Variants in CD200 observed in about 807,000 individuals in gnomAD.
CD200 encodes the protein CD200 molecule, also known as OX-2 membrane glycoprotein.
In CD200, 15 loss-of-function variants were observed where a neutral mutation model predicts 30.9. The ratio of observed to expected loss-of-function variants is 0.49; its 90% CI spans 0.32 to 0.75. The LOEUF is 0.75. CD200 is among the 30% of genes least tolerant of loss of function. The probability of loss-of-function intolerance (pLI) is 0.03; values close to 1 mark genes in which losing one functional copy is unlikely to be tolerated. For synonymous variants in CD200, 134 were observed against 126.2 expected (o/e 1.06, Z -0.41); for missense variants, 262 against 324.2 (o/e 0.81, Z 1.47).
In CD200 at chr3:112,333,462, T is replaced by C. The variant is rs1043149059; in HGVS notation, c.12+238T>C. The C allele has an allele frequency of 7.1e-6, 7 of 985,210 alleles. No homozygotes were observed. The African/African-American group carries it at 1.2e-4, about 17-fold the overall frequency. 61.0% of individuals were successfully genotyped at this position (985,210 alleles called of 1,614,324 possible). On this transcript the variant is annotated intron_variant, in intron 1 of 5. Transcript: ENST00000315711. Reference sequence around the variant, plus strand: ...CAGCTGCTGGCGTCCAGATTCTCCATTCCAATTGCCTGAAAAAAAGATGCA... The same window carrying C: ...CAGCTGCTGGCGTCCAGATTCTCCACTCCAATTGCCTGAAAAAAAGATGCA...
Position 112,347,630 on chromosome 3 carries a change from G to C in CD200, c.494G>C (p.Arg165Pro), listed in dbSNP as rs759307241. Residue 165 changes from arginine to proline, a missense_variant, in exon 4 of 6, where the codon CGC becomes CCC. Transcript: ENST00000315711. ...HLNITCSATA[R>P]PAPMVFWKVP... ...AATATCACTTGCTCTGCCACTGCCC[G>C]CCCAGCCCCCATGGTCTTCTGGAAG... 6.2e-7 allele frequency: 1 copy of C among 1,613,858 alleles called. No homozygotes were observed. The highest frequency in any genetic ancestry group is 1.7e-5 in the Admixed American group (1 of 59,980).
At chr3:112,352,539 C>T (rs921048700) in intron 5 of CD200, among the ~76,000 whole-genome samples, 1 of 54,678 alleles carries the variant, frequency 1.8e-5, no homozygotes, top group African/African-American at 9.0e-5. Flanking sequence ...AGAGGTGGAA[C>T]TGAGAGAGAG....
intron 2 of CD200, among the ~76,000 whole-genome samples, chr3:112,343,872 T>C (rs1434104351): frequency 1.3e-5 from 2 of 152,174 alleles, no homozygotes; most frequent in African/African-American, 4.8e-5. Context: ...TTTCTCTCCT[T>C]TTAGAAGTCT....
At chr3:112,340,785 T>G (rs1204533552) in intron 1 of CD200, 117 bp from the exon 2 acceptor site, 1 of 676,864 alleles carries the variant, frequency 1.5e-6, no homozygotes. Context: ...AAAACCAAAA[T>G]TCTCTGGGGG....
At chr3:112,333,082 G>A, upstream of CD200, 1 of 1,386,830 alleles carries the variant, frequency 7.2e-7, no homozygotes, top group Non-Finnish European at 9.9e-7. Context: ...CGGAGTGGGA[G>A]AAGGGGGCTA....
At chr3:112,333,260 G>A (rs1260743995) in intron 1 of CD200, 36 bp downstream of exon 1, 2 of 1,544,640 alleles carry the variant, frequency 1.3e-6, no homozygotes, top group South Asian at 2.4e-5. Context: ...GAGGGCGCAG[G>A]GCAGGCGATG....
chr3:112,341,446 T>A (rs1207647780), intron 2 of CD200, among the ~76,000 whole-genome samples: 1 of 152,204 alleles, frequency 6.6e-6, no homozygotes, highest in African/African-American at 2.4e-5. Context: ...TATAACAAAT[T>A]TGGTTGTGCC....
chr3:112,342,403 T>TC (rs1483948387), intron 2 of CD200, among the ~76,000 whole-genome samples: 3 of 71,472 alleles, frequency 4.2e-5, no homozygotes, highest in Non-Finnish European at 5.7e-5. Context: ...CTTTCTTTCT[T>TC]TCTTTCTTTC....
intron 5 of CD200, among the ~76,000 whole-genome samples, chr3:112,353,288 A>G (rs1161498066): frequency 2.7e-5 from 4 of 150,658 alleles, no homozygotes; most frequent in Admixed American, 2.6e-4. Context: ...ATTTTTAGGC[A>G]GCTTTATTTT....
chr3:112,333,361 T>TTGA (rs1279538400), intron 1 of CD200, 137 bp downstream of exon 1: 7 of 1,420,730 alleles, frequency 4.9e-6, no homozygotes, highest in South Asian at 4.4e-5. Flanking sequence ...ATCAGCGGTG[T>TTGA]TGATGGCAGC....
intron 4 of CD200, 65 bp from the exon 5 acceptor site, chr3:112,349,647 T>TCTATTGCTTTATCA (rs57589353): frequency 0.095 from 132,750 of 1,390,620 alleles, 9,234 homozygotes; most frequent in African/African-American, 0.29. Context: ...AAAGCTCAAC[T>TCTATTGCTTTATCA]CTTTTTGCCT....
Position 112,347,551 on chromosome 3 carries a change from G to A in CD200, c.422-7G>A. 6.2e-7 allele frequency: 1 copy of A among 1,612,764 alleles called. No homozygotes were observed. The highest frequency in any genetic ancestry group is 8.5e-7 in the Non-Finnish European group (1 of 1,179,170). On this transcript the variant is annotated splice_region_variant and splice_polypyrimidine_tract_variant and intron_variant, in intron 3 of 5. Transcript: ENST00000315711. The stretch of plus-strand genomic sequence containing the variant: ...TGATAACAGATCATATTTATTTTTT[G>A]TCCCAGTACAGCCCATAGTATCCCT...
intron 1 of CD200, among the ~76,000 whole-genome samples, chr3:112,337,419 C>G (rs1017885368): frequency 6.6e-6 from 1 of 151,874 alleles, no homozygotes; most frequent in African/African-American, 2.4e-5. Flanking sequence ...AATACCAAGG[C>G]GGGAAATTGC....
At chr3:112,333,992 G>A (rs2081057028) in intron 1 of CD200, 2 of 985,254 alleles carry the variant, frequency 2.0e-6, no homozygotes, top group Admixed American at 6.2e-5. Flanking sequence ...TACAGTGAAT[G>A]CCTCAAGATA....
intron 2 of CD200, among the ~76,000 whole-genome samples, chr3:112,341,918 G>A (rs2081247080): frequency 6.6e-6 from 1 of 152,146 alleles, no homozygotes; most frequent in Non-Finnish European, 1.5e-5. Context: ...TCTTCCAAGA[G>A]TATACATCAT....
chr3:112,335,973 C>T, intron 1 of CD200: 1 of 1,612,776 alleles, frequency 6.2e-7, no homozygotes. Context: ...GGGCCCTCTC[C>T]TTACAGCTAC....
intron 2 of CD200, among the ~76,000 whole-genome samples, chr3:112,343,746 G>T (rs2081322096): frequency 6.6e-6 from 1 of 151,992 alleles, no homozygotes; most frequent in South Asian, 2.1e-4. Flanking sequence ...GAGTTATGTT[G>T]TTAGGTGCAT....
chr3:112,357,033 G>A (rs1344159502), intron 5 of CD200, among the ~76,000 whole-genome samples: 1 of 152,090 alleles, frequency 6.6e-6, no homozygotes, highest in Non-Finnish European at 1.5e-5. Context: ...AGGCCGAGGC[G>A]GGCGGATCAC....
At position 112,336,108 on chromosome 3, in the gene CD200, G is replaced by A. The variant is rs1489984021; in HGVS notation, c.12+2884G>A. On this transcript the variant is annotated intron_variant, in intron 1 of 5. Transcript: ENST00000315711. ...AGCTTATTATATAAGATTAATGTTT[G>A]TGAAACACCTGTTATTTGGAATTGG... 6 of 856,180 alleles carry A rather than the reference G, an allele frequency of 7.0e-6. No individual in the cohort carries two copies. The East Asian group carries it at 7.3e-5, about 10-fold the overall frequency. The allele number at this position is 856,180 out of a possible 1,614,324, so 53.0% of individuals were successfully genotyped here.
Sources: gnomAD v4.1 joint callset for allele counts (sites outside exome capture counted in the v4.1 genomes callset) on GRCh38, gnomAD v4.1.1 for gene constraint, MANE v1.5 for transcripts, NCBI Gene and HGNC (gene_info 2026-07-23, HGNC 2026-07-21) for gene names.